Variants in NFKBIB observed in about 807,000 individuals in gnomAD.
NFKBIB encodes the protein NFKB inhibitor beta.
Under a neutral mutation model 32.1 loss-of-function variants are expected in NFKBIB, and 16 were observed. The observed-to-expected ratio is 0.50, with a 90% CI of 0.34 to 0.76. NFKBIB has a LOEUF of 0.76. Ranked by LOEUF, NFKBIB falls within the 30% of genes least tolerant of loss-of-function variation. The pLI, the probability that NFKBIB is intolerant of heterozygous loss-of-function variation, is 0.01. For synonymous variants in NFKBIB, 222 were observed against 219.5 expected, an observed-to-expected ratio of 1.01 and a Z score of -0.10; for missense variants, 437 against 514.9, an observed-to-expected ratio of 0.85 and a Z score of 1.46.
chr19:38,899,811 C>G (rs908099987), upstream of NFKBIB: 22 of 684,836 alleles, frequency 3.2e-5, no homozygotes, highest in East Asian at 3.8e-4. Context: ...TGGTAAAGGG[C>G]GCCCGGAAAA....
rs1015275633 is a variant in NFKBIB at position 38,900,040 on chromosome 19, G to A, written c.8G>A (p.Gly3Glu). Reference protein sequence around the residue: MAGVACLGKAADA... With the variant: MAEVACLGKAADA... Reference sequence around the variant, plus strand: ...CCTGAGGCGGCGGGGGCCATGGCTGGGGTCGCGTGCTTGGGAAAAGCTGCC... The same window carrying A: ...CCTGAGGCGGCGGGGGCCATGGCTGAGGTCGCGTGCTTGGGAAAAGCTGCC... The change falls in exon 1 of 6, where the codon GGG (glycine) becomes GAG (glutamate). Residue 3 changes from glycine (G) to glutamate (E), a missense_variant. Gly to Glu is a moderately conservative substitution (Grantham distance 98). Coordinates refer to ENST00000313582, the MANE Select transcript of NFKBIB (RefSeq NM_002503.5). 1.3e-6 allele frequency: 2 copies of A among 1,482,390 alleles called. No individual in the cohort carries two copies. Among genetic ancestry groups the A allele is most frequent in the Non-Finnish European group, 1.8e-6 (2 of 1,118,118 alleles). The allele number at this position is 1,482,390 out of a possible 1,614,324, so 91.8% of individuals were successfully genotyped here.
At chr19:38,899,806 A>G (rs1973876908), upstream of NFKBIB, 33 of 677,006 alleles carry the variant, frequency 4.9e-5, no homozygotes, top group East Asian at 8.7e-4. Flanking sequence ...CATGTTGGTA[A>G]AGGGCGCCCG....
chr19:38,908,781 G>C lies in NFKBIB; in HGVS notation c.1020G>C (p.Leu340=). The C allele has an allele frequency of 6.2e-7, 1 of 1,613,730 alleles. No homozygotes were observed. The highest frequency in any genetic ancestry group is 8.5e-7 in the Non-Finnish European group (1 of 1,179,906). ...VVHSSRSQTR[L]PPTPASKPLP... The stretch of plus-strand genomic sequence containing the variant: ...ACAGCAGCCGCAGCCAAACCCGGCT[G>C]CCTCCCACCCCAGCCTCAAAACCTC... The change falls in exon 6 of 6, where the codon CTG becomes CTC. Residue 340 remains leucine (L), a synonymous_variant. Coordinates refer to ENST00000313582, the MANE Select transcript of NFKBIB (RefSeq NM_002503.5).
chr19:38,905,850 C>A lies in NFKBIB; in HGVS notation c.619+315C>A, dbSNP rs1168364241. On this transcript the variant is annotated intron_variant, in intron 3 of 5. Transcript: ENST00000313582. This position sits in a 1 kb window ranked among gnomAD's most constrained non-coding sequence, Gnocchi z 5.5. ...TGCAGAGTGTATTGCAGACCCCTACCCTACCCAGGACCGGGGAATGCAGAG... is the reference window on the plus strand; with the variant it reads ...TGCAGAGTGTATTGCAGACCCCTACACTACCCAGGACCGGGGAATGCAGAG... Among the ~76,000 whole-genome samples, 3 of 152,138 alleles carry A rather than the reference C, an allele frequency of 2.0e-5. No homozygotes were observed. Among genetic ancestry groups the A allele is most frequent in the African/African-American group, 7.2e-5 (3 of 41,416 alleles).
chr19:38,907,366 G>A lies in NFKBIB; in HGVS notation c.709-33G>A, dbSNP rs552907277. 2.3e-5 allele frequency: 37 copies of A among 1,595,650 alleles called. No individual in the cohort carries two copies. The highest frequency in any genetic ancestry group is 3.0e-5 in the Non-Finnish European group (35 of 1,168,006). On this transcript the variant is annotated intron_variant, in intron 4 of 5. Transcript: ENST00000313582. ...GCGGGAGGGGGCTTGTCCCCTCTTC[G>A]GGCCCTCTGACCTTTCTGTTGCACC... is the stretch of plus-strand genomic sequence containing the variant.
intron 1 of NFKBIB, among the ~76,000 whole-genome samples, chr19:38,902,508 G>A (rs933461549): frequency 8.6e-5 from 13 of 151,538 alleles, no homozygotes; most frequent in African/African-American, 3.1e-4. Context: ...TGTGAGCTAA[G>A]AATGGTCTTT....
In NFKBIB at chr19:38,905,371, G is replaced by A. The variant is rs563622532; in HGVS notation, c.455G>A (p.Arg152Gln). ...CARALLQPRP[R>Q]RPREAPDTYL... The stretch of plus-strand genomic sequence containing the variant: ...CGTGCCCTGCTTCAGCCCCGCCCCC[G>A]GCGCCCCAGGGAAGCCCCCGACACC... The change falls in exon 3 of 6, where the codon CGG becomes CAG. Residue 152 changes from arginine (R) to glutamine (Q), a missense_variant. Coordinates refer to ENST00000313582, the MANE Select transcript of NFKBIB (RefSeq NM_002503.5). This position sits in a 1 kb window ranked among gnomAD's most constrained non-coding sequence, Gnocchi z 5.5. 42 of 1,612,764 alleles carry A rather than the reference G, an allele frequency of 2.6e-5. No homozygotes were observed. Among genetic ancestry groups the A allele is most frequent in the African/African-American group, 4.0e-5 (3 of 75,020 alleles).
chr19:38,907,721 A>G, intron 5 of NFKBIB, 62 bp downstream of exon 5: 2 of 1,492,588 alleles, frequency 1.3e-6, no homozygotes, highest in African/African-American at 1.4e-5. Flanking sequence ...GGCAGGCAAG[A>G]AGCCCAAGAA....
chr19:38,907,271 C>A lies in NFKBIB; in HGVS notation c.670C>A (p.Arg224=). 6.2e-7 allele frequency: 1 copy of A among 1,613,676 alleles called. No individual in the cohort carries two copies. The highest frequency in any genetic ancestry group is 8.5e-7 in the Non-Finnish European group (1 of 1,179,760). Residue 224 remains arginine (R), a synonymous_variant, in exon 4 of 6, where the codon CGG becomes AGG. Coordinates refer to ENST00000313582, the MANE Select transcript of NFKBIB (RefSeq NM_002503.5). ...TATCCACAAAGATGTGGAGATGGTC[C>A]GGCTGCTCCGAGATGCTGGAGCTGA... is the stretch of plus-strand genomic sequence containing the variant. ...AVIHKDVEMV[R]LLRDAGADLD...
At chr19:38,906,334 G>C (rs1974116411) in intron 3 of NFKBIB, among the ~76,000 whole-genome samples, 1 of 151,516 alleles carries the variant, frequency 6.6e-6, no homozygotes, top group Non-Finnish European at 1.5e-5. Context: ...AGTAGAGACG[G>C]GGTTTTACCA....
At chr19:38,902,017 A>T (rs1273643549) in intron 1 of NFKBIB, among the ~76,000 whole-genome samples, 1 of 134,252 alleles carries the variant, frequency 7.4e-6, no homozygotes, top group African/African-American at 2.7e-5. Flanking sequence ...TTTGCCTTTT[A>T]TTGGGTATAG....
rs1375900738 is a variant in NFKBIB, at chr19:38,905,888, G to C, written c.619+353G>C. ...GGGGAATGCAGAGCTCAGGCCCTCT[G>C]TGAAACTCTGGCACCCCAGGCTCCC... On this transcript the variant is annotated intron_variant, in intron 3 of 5. Coordinates refer to ENST00000313582, the MANE Select transcript of NFKBIB (RefSeq NM_002503.5). The surrounding 1 kb of genome is among the most constrained non-coding windows in gnomAD (Gnocchi z 5.5). Among the ~76,000 whole-genome samples the C allele has an allele frequency of 4.6e-5, 7 of 152,104 alleles. No individual in the cohort carries two copies. The highest frequency in any genetic ancestry group is 1.4e-4 in the African/African-American group (6 of 41,400).
intron 1 of NFKBIB, among the ~76,000 whole-genome samples, chr19:38,902,462 A>G (rs956442856): frequency 7.9e-5 from 12 of 152,184 alleles, no homozygotes; most frequent in Admixed American, 7.2e-4. Context: ...TATGGCCTCC[A>G]GGCAAAATCT....
chr19:38,905,142 A>AG lies in NFKBIB; in HGVS notation c.285+25dup. 6.2e-7 allele frequency: 1 copy of AG among 1,613,730 alleles called. No individual in the cohort carries two copies. Among genetic ancestry groups the AG allele is most frequent in the East Asian group, 2.2e-5 (1 of 44,884 alleles). On this transcript the variant is annotated intron_variant, in intron 2 of 5. Coordinates refer to ENST00000313582, the MANE Select transcript of NFKBIB (RefSeq NM_002503.5). The surrounding 1 kb of genome is among the most constrained non-coding windows in gnomAD (Gnocchi z 5.5). ...CCAGGTGAGCCACGAGGGATGGTGTAGGGCTTGGGGTCCAGGGTTCCCAGT... is the reference window on the plus strand; with the variant it reads ...CCAGGTGAGCCACGAGGGATGGTGTAGGGGCTTGGGGTCCAGGGTTCCCAGT...
rs571749718 is a variant in NFKBIB at position 38,903,984 on chromosome 19, C to T, written c.180-1031C>T. On this transcript the variant is annotated intron_variant, in intron 1 of 5. Coordinates refer to ENST00000313582, the MANE Select transcript of NFKBIB (RefSeq NM_002503.5). ...ACTCGGGAGGCTGAGGCAGAAGAATCGCTTGAACCCAGGAGGTGGAGGTTG... is the reference window on the plus strand; with the variant it reads ...ACTCGGGAGGCTGAGGCAGAAGAATTGCTTGAACCCAGGAGGTGGAGGTTG... Among the ~76,000 whole-genome samples, 10 of 152,070 alleles carry T rather than the reference C, an allele frequency of 6.6e-5. No individual in the cohort carries two copies. The East Asian group carries it at 1.5e-3, about 24-fold the overall frequency.
intron 5 of NFKBIB, chr19:38,908,101 C>T: frequency 9.8e-7 from 1 of 1,021,898 alleles, no homozygotes; most frequent in South Asian, 4.0e-5. Context: ...CAATACAGAT[C>T]CGTCCTTGGG....
At chr19:38,899,770 G>T, upstream of NFKBIB, 2 of 679,282 alleles carry the variant, frequency 2.9e-6, no homozygotes, top group Middle Eastern at 2.6e-4. Context: ...CGGACTACGA[G>T]TCCCAGAAGG....
chr19:38,905,307 C>T lies in NFKBIB; in HGVS notation c.391C>T (p.Leu131=). Residue 131 remains leucine (L), a synonymous_variant, in exon 3 of 6, where the codon CTG becomes TTG. Transcript: ENST00000313582. The surrounding 1 kb of genome is among the most constrained non-coding windows in gnomAD (Gnocchi z 5.5). The part of the protein sequence containing the change: ...CVAERRGHTA[L]HLACRVGAHA... Reference sequence around the variant, plus strand: ...GGCGGAGCGTAGGGGCCACACGGCGCTGCACCTGGCCTGCCGTGTGGGGGC... The same window carrying T: ...GGCGGAGCGTAGGGGCCACACGGCGTTGCACCTGGCCTGCCGTGTGGGGGC... 6.2e-7 allele frequency: 1 copy of T among 1,608,224 alleles called. No homozygotes were observed. Among genetic ancestry groups the T allele is most frequent in the Non-Finnish European group, 8.5e-7 (1 of 1,178,266 alleles).
At position 38,905,553 on chromosome 19, in the gene NFKBIB, G is replaced by C. The variant is rs771335588; in HGVS notation, c.619+18G>C. ...CTACGAGGGTGAGGGTCGTCACCAG[G>C]GAAGGACTCAGCTCCTGGGCTAGGC... On this transcript the variant is annotated intron_variant, in intron 3 of 5. Coordinates refer to ENST00000313582, the MANE Select transcript of NFKBIB (RefSeq NM_002503.5). The surrounding 1 kb of genome is among the most constrained non-coding windows in gnomAD (Gnocchi z 5.5). The C allele has an allele frequency of 1.9e-6, 3 of 1,578,066 alleles. No homozygotes were observed. Among genetic ancestry groups the C allele is most frequent in the Middle Eastern group, 1.7e-4 (1 of 5,844 alleles).
Sources: allele counts gnomAD v4.1 joint callset (sites outside exome capture counted in the v4.1 genomes callset), GRCh38; gene constraint gnomAD v4.1.1; non-coding constraint Gnocchi (gnomAD v3.1); transcripts MANE v1.5; gene names NCBI Gene and HGNC (gene_info 2026-07-23, HGNC 2026-07-21).